The following CELF2 variants were observed in gnomAD, a reference collection of about 807,000 sequenced individuals.
CELF2 encodes CUG triplet repeat RNA-binding protein 2.
In CELF2, 8 loss-of-function variants were observed where a neutral mutation model predicts 62.6. The ratio of observed to expected loss-of-function variants is 0.13; its 90% CI spans 0.07 to 0.23. The LOEUF is 0.23. Among genes scored for constraint, CELF2 ranks in the 10% least tolerant of loss-of-function variants. CELF2 has a pLI of 1.00. For synonymous variants in CELF2, 258 were observed against 250.0 expected (o/e 1.03, Z -0.30); for missense variants, 333 against 671.0 (o/e 0.50, Z 5.56).
At chr10:11,148,210 A>C (rs1056229409) in intron 1 of CELF2, among the ~76,000 whole-genome samples, 1 of 152,160 alleles carries the variant, frequency 6.6e-6, no homozygotes, top group South Asian at 2.1e-4. Context: ...TAATATTACA[A>C]CTGAGAGAGT....
the CELF2 span, among the ~76,000 whole-genome samples, chr10:10,712,549 C>T: frequency 6.6e-6 from 1 of 152,034 alleles, no homozygotes; most frequent in African/African-American, 2.4e-5. Flanking sequence ...TGCATCTAGC[C>T]CCATGGTTTC....
intron 1 of CELF2, among the ~76,000 whole-genome samples, chr10:10,912,705 A>T (rs2063922480): frequency 1.3e-5 from 2 of 152,144 alleles, no homozygotes; most frequent in Admixed American, 6.5e-5. Context: ...CATTTGCTAT[A>T]GCAGAAGCCA....
intron 1 of CELF2, among the ~76,000 whole-genome samples, chr10:11,093,796 C>A (rs1266933723): frequency 6.6e-6 from 1 of 152,170 alleles, no homozygotes; most frequent in Non-Finnish European, 1.5e-5. Context: ...ATTTCTTAAT[C>A]TCTGTTTTAC....
At chr10:11,027,704 A>G (rs2059451260) in intron 1 of CELF2, among the ~76,000 whole-genome samples, 1 of 152,162 alleles carries the variant, frequency 6.6e-6, no homozygotes, top group South Asian at 2.1e-4. Flanking sequence ...CCAGCACCAG[A>G]GTGGAAGGGC....
chr10:11,197,946 T>C (rs17149778), intron 2 of CELF2, among the ~76,000 whole-genome samples: 1,672 of 152,354 alleles, frequency 0.011, 23 homozygotes, highest in African/African-American at 0.038. Flanking sequence ...CAAGATAGTG[T>C]ATTTTTCAAT....
At chr10:10,543,525 G>A in the CELF2 span, among the ~76,000 whole-genome samples, 1 of 152,130 alleles carries the variant, frequency 6.6e-6, no homozygotes, top group African/African-American at 2.4e-5. Flanking sequence ...AGCTGGCTGT[G>A]CACCAGCTCT....
intron 1 of CELF2, among the ~76,000 whole-genome samples, chr10:10,869,535 A>G (rs529920582): frequency 1.5e-3 from 232 of 151,528 alleles, no homozygotes; most frequent in African/African-American, 5.3e-3. Flanking sequence ...ACTGCACTCC[A>G]GCCTGGGTGA....
rs1335208936 is a variant in CELF2, at chr10:11,165,698, CG to C, written c.271+21del. ...CAGAGTAAAGGTACAGAGCGCGGGG[CG>C]GGGGTCGCCAGGCGTCCAGGTGGGC... On this transcript the variant is annotated intron_variant, in intron 2 of 12. Coordinates refer to ENST00000633077, the MANE Select transcript of CELF2 (RefSeq NM_001326342.2). The surrounding 1 kb of genome is among the most constrained non-coding windows in gnomAD (Gnocchi z 7.4). 3.1e-6 allele frequency: 5 copies of C among 1,599,620 alleles called. No homozygotes were observed. The highest frequency in any genetic ancestry group is 1.3e-5 in the African/African-American group (1 of 74,508).
rs2060744982 is a variant in CELF2, at chr10:11,138,186, T to C, written c.75-27300T>C. 2.0e-5 allele frequency among the ~76,000 whole-genome samples: 3 copies of C among 152,218 alleles called. No individual in the cohort carries two copies. In the South Asian group the frequency reaches 6.2e-4, roughly 31 times the overall value. ...AATATAGCAATTTCCATAAGAGACTTTGAAATACTGACAGTAATGATTATG... is the reference window on the plus strand; with the variant it reads ...AATATAGCAATTTCCATAAGAGACTCTGAAATACTGACAGTAATGATTATG... On this transcript the variant is annotated intron_variant, in intron 1 of 12. Coordinates refer to ENST00000633077, the MANE Select transcript of CELF2 (RefSeq NM_001326342.2).
chr10:11,226,686 C>T (rs1026181601), intron 3 of CELF2, among the ~76,000 whole-genome samples: 12 of 152,014 alleles, frequency 7.9e-5, no homozygotes, highest in African/African-American at 2.7e-4. Flanking sequence ...CACCTGGCAG[C>T]GGCTGTGCCC....
At chr10:10,551,409 C>T in the CELF2 span, among the ~76,000 whole-genome samples, 3 of 152,088 alleles carry the variant, frequency 2.0e-5, no homozygotes, top group South Asian at 4.1e-4. Context: ...GAGACTCCCA[C>T]GTAATGGCTC....
Position 11,227,400 on chromosome 10 carries a change from G to A in CELF2, c.354+9893G>A, listed in dbSNP as rs776071026. Among the ~76,000 whole-genome samples, 5 of 152,190 alleles carry A rather than the reference G, an allele frequency of 3.3e-5. No homozygotes were observed. Among genetic ancestry groups the A allele is most frequent in the Non-Finnish European group, 5.9e-5 (4 of 68,040 alleles). On this transcript the variant is annotated intron_variant, in intron 3 of 12. Coordinates refer to ENST00000633077, the MANE Select transcript of CELF2 (RefSeq NM_001326342.2). This position sits in a 1 kb window ranked among gnomAD's most constrained non-coding sequence, Gnocchi z 4.8. The stretch of plus-strand genomic sequence containing the variant: ...ACAGATGGCACAGCAGGATGAACAC[G>A]GCCCCATGAGACAGCGCTGCTGCTC...
At chr10:10,970,130 G>A (rs772168544) in intron 2 of CELF2, among the ~76,000 whole-genome samples, 13 of 152,102 alleles carry the variant, frequency 8.5e-5, no homozygotes, top group South Asian at 2.1e-4. Flanking sequence ...GTGCAGTGGC[G>A]CAATTTCGGC....
the CELF2 span, among the ~76,000 whole-genome samples, chr10:10,694,276 A>G: frequency 6.6e-6 from 1 of 152,026 alleles, no homozygotes; most frequent in Non-Finnish European, 1.5e-5. Context: ...TGTACCCAGT[A>G]GTCATTCAGG....
chr10:10,586,103 G>T, the CELF2 span, among the ~76,000 whole-genome samples: 6 of 152,292 alleles, frequency 3.9e-5, no homozygotes, highest in East Asian at 1.9e-4. Context: ...CTTTCAAGCT[G>T]CACCACTGCA....
Position 11,314,286 on chromosome 10 carries a change from T to C in CELF2, c.1096+28T>C. The stretch of plus-strand genomic sequence containing the variant: ...ACCATCAACAGTGAGTATTTGCTGC[T>C]CTGGTGGACAGCCTTCCCCCAAATT... On this transcript the variant is annotated intron_variant, in intron 10 of 12. Transcript: ENST00000633077. The surrounding 1 kb of genome is among the most constrained non-coding windows in gnomAD (Gnocchi z 5.3). 1.9e-6 allele frequency: 3 copies of C among 1,614,050 alleles called. No homozygotes were observed. Among genetic ancestry groups the C allele is most frequent in the Non-Finnish European group, 2.5e-6 (3 of 1,179,900 alleles).
the CELF2 span, among the ~76,000 whole-genome samples, chr10:10,696,604 C>T: frequency 6.6e-6 from 1 of 152,052 alleles, no homozygotes; most frequent in Admixed American, 6.5e-5. Context: ...CCCCCAGCCT[C>T]GCTGCGGCCT....
In CELF2 at chr10:11,294,254, A is replaced by T. The variant is rs976555835; in HGVS notation, c.976+5702A>T. On this transcript the variant is annotated intron_variant, in intron 9 of 12. Transcript: ENST00000633077. The stretch of plus-strand genomic sequence containing the variant: ...TGCTTTTGAAACATAACATCATGGC[A>T]GATCATCCCCAGAAAGTGCCCATTA... Among the ~76,000 whole-genome samples the T allele has an allele frequency of 1.5e-4, 23 of 152,348 alleles. 1 individual carries two copies. Among genetic ancestry groups the T allele is most frequent in the African/African-American group, 5.3e-4 (22 of 41,582 alleles).
At chr10:10,771,276 G>A in the CELF2 span, among the ~76,000 whole-genome samples, 1 of 152,154 alleles carries the variant, frequency 6.6e-6, no homozygotes, top group African/African-American at 2.4e-5. Context: ...CTCTGAGACT[G>A]AGAAATAGAT....
Sources: gnomAD v4.1 joint callset for allele counts (sites outside exome capture counted in the v4.1 genomes callset) on GRCh38, gnomAD v4.1.1 for gene constraint, Gnocchi (gnomAD v3.1) non-coding constraint, MANE v1.5 for transcripts, NCBI Gene and HGNC (gene_info 2026-07-23, HGNC 2026-07-21) for gene names.